RASSF2: variants seen among roughly 807,000 people sequenced by gnomAD.
The protein encoded by RASSF2 is ras association domain-containing protein 2.
A neutral mutation model predicts 46.3 loss-of-function variants in RASSF2; 34 were observed. That is an observed-to-expected ratio of 0.73 (90% CI 0.56 to 0.98). The LOEUF (loss-of-function observed/expected upper bound fraction) is 0.98, where lower values mean the gene tolerates loss of function less well. RASSF2 is among the 50% of genes least tolerant of loss of function. The pLI, the probability that RASSF2 is intolerant of heterozygous loss-of-function variation, is 0.00. For missense variants in RASSF2, 364 were observed against 431.2 expected, an observed-to-expected ratio of 0.84 and a Z score of 1.38; for synonymous variants, 158 against 162.5, an observed-to-expected ratio of 0.97 and a Z score of 0.21.
rs1042320583 is a variant in RASSF2, at chr20:4,798,848, A to C, written c.60-763T>G. Among the ~76,000 whole-genome samples, 18 of 134,172 alleles carry C rather than the reference A, an allele frequency of 1.3e-4. 1 individual carries two copies. Among genetic ancestry groups the C allele is most frequent in the East Asian group, 2.4e-4 (1 of 4,194 alleles). 88.0% of individuals were successfully genotyped at this position (134,172 alleles called of 152,430 possible). A position where few individuals can be genotyped will look rare whatever the true frequency, so the allele number is the denominator to read the frequency against. On this transcript the variant is annotated intron_variant, in intron 3 of 11. Transcript: ENST00000379400. The stretch of plus-strand genomic sequence containing the variant: ...CTCAAAAAAACAAACAAACAAACAA[A>C]AAAAAAAAAACTTGCAAACTCCCAT...
intron 3 of RASSF2, 109 bp from the exon 4 acceptor site, chr20:4,798,194 G>A (rs1289896915): frequency 6.7e-7 from 1 of 1,498,660 alleles, no homozygotes; most frequent in East Asian, 2.5e-5. Context: ...ACCCCACTTT[G>A]GGTAACTGTC....
rs112129378 is a variant in RASSF2 at position 4,785,657 on chromosome 20, A to C, written c.911+574T>G. Among the ~76,000 whole-genome samples, 485 of 152,282 alleles carry C rather than the reference A, an allele frequency of 3.2e-3. 1 individual carries two copies. Among genetic ancestry groups the C allele is most frequent in the African/African-American group, 0.011 (462 of 41,550 alleles). On this transcript the variant is annotated intron_variant, in intron 11 of 11. Transcript: ENST00000379400. ...TTTGGAGGCCAGTAGCTCAGGCTAC[A>C]TCCACGGCTAAGACAGCCTTCCTGA...
Position 4,783,815 on chromosome 20 carries a change from C to T in RASSF2, c.*458G>A, listed in dbSNP as rs150894957. ...TCTTCCCTCTCTAAACACAGACAGACGTGTGGCTGCTCCCTGGCACTTGAG... is the reference window on the plus strand; with the variant it reads ...TCTTCCCTCTCTAAACACAGACAGATGTGTGGCTGCTCCCTGGCACTTGAG... On this transcript the variant is annotated 3_prime_UTR_variant, in exon 12 of 12. Transcript: ENST00000379400. 11 of 159,588 alleles carry T rather than the reference C, an allele frequency of 6.9e-5. 1 individual carries two copies. The South Asian group carries it at 7.2e-4, about 10-fold the overall frequency. 9.9% of individuals were successfully genotyped at this position (159,588 alleles called of 1,614,324 possible).
intron 6 of RASSF2, among the ~76,000 whole-genome samples, chr20:4,791,972 C>T (rs997788612): frequency 1.3e-5 from 2 of 152,158 alleles, no homozygotes; most frequent in Admixed American, 6.5e-5. Context: ...TACATCCAAC[C>T]AGGCGCGGTG....
chr20:4,817,576 G>T (rs1238870060), intron 2 of RASSF2, among the ~76,000 whole-genome samples: 2 of 152,078 alleles, frequency 1.3e-5, no homozygotes, highest in Non-Finnish European at 2.9e-5. Flanking sequence ...CTATAACTTT[G>T]CATAGTGATT....
chr20:4,804,591 G>A (rs767997326), intron 2 of RASSF2, among the ~76,000 whole-genome samples: 2 of 152,058 alleles, frequency 1.3e-5, no homozygotes, highest in African/African-American at 2.4e-5. Context: ...TGCCCGCCTC[G>A]GCCTCCCAGA....
intron 2 of RASSF2, among the ~76,000 whole-genome samples, chr20:4,806,861 C>A (rs1374480918): frequency 1.3e-5 from 2 of 152,198 alleles, no homozygotes; most frequent in Non-Finnish European, 1.5e-5. Flanking sequence ...TTCTAACTCA[C>A]CAATTGAATT....
intron 8 of RASSF2, among the ~76,000 whole-genome samples, chr20:4,789,148 ACG>A (rs1568564293): frequency 6.6e-6 from 1 of 151,754 alleles, no homozygotes; most frequent in African/African-American, 2.4e-5. Context: ...TATAATTTGC[ACG>A]TCTATTTAAG....
At chr20:4,785,702 T>C (rs1341589721) in intron 11 of RASSF2, among the ~76,000 whole-genome samples, 1 of 152,042 alleles carries the variant, frequency 6.6e-6, no homozygotes, top group African/African-American at 2.4e-5. Context: ...AACCTCCGGG[T>C]CTTGGTTAGC....
chr20:4,797,591 C>G (rs1392743493), intron 4 of RASSF2, among the ~76,000 whole-genome samples: 3 of 151,806 alleles, frequency 2.0e-5, no homozygotes, highest in Middle Eastern at 3.2e-3. Flanking sequence ...CTGCTAACAT[C>G]CAGAGCTTAT....
Position 4,795,748 on chromosome 20 carries a change from C to G in RASSF2, c.287+67G>C, listed in dbSNP as rs2122512352. The G allele has an allele frequency of 6.6e-7, 1 of 1,521,982 alleles. No individual in the cohort carries two copies. Among genetic ancestry groups the G allele is most frequent in the East Asian group, 2.5e-5 (1 of 39,626 alleles). The allele number at this position is 1,521,982 out of a possible 1,614,324, so 94.3% of individuals were successfully genotyped here. On this transcript the variant is annotated intron_variant, in intron 5 of 11. Transcript: ENST00000379400. The surrounding 1 kb of genome is among the most constrained non-coding windows in gnomAD (Gnocchi z 4.0). Reference sequence around the variant, plus strand: ...CTGGCTGGAAGAAGGCAGCATTTATCTGCTTGAGAACACATAGAACACCCA... The same window carrying G: ...CTGGCTGGAAGAAGGCAGCATTTATGTGCTTGAGAACACATAGAACACCCA...
At chr20:4,806,825 T>C (rs1017315848) in intron 2 of RASSF2, among the ~76,000 whole-genome samples, 2 of 152,168 alleles carry the variant, frequency 1.3e-5, no homozygotes, top group African/African-American at 2.4e-5. Context: ...CATTTCCTTA[T>C]TTTTCTCAGA....
chr20:4,808,408 C>T (rs986828594), intron 2 of RASSF2, among the ~76,000 whole-genome samples: 1 of 151,974 alleles, frequency 6.6e-6, no homozygotes, highest in Non-Finnish European at 1.5e-5. Context: ...AACTAAAACA[C>T]CTCATAGTCT....
chr20:4,792,709 C>T (rs527526814), intron 5 of RASSF2, 82 bp from the exon 6 acceptor site: 1 of 1,521,318 alleles, frequency 6.6e-7, no homozygotes, highest in Non-Finnish European at 8.8e-7. Context: ...CTGGACCCCA[C>T]TCCTGAAAGG....
intron 2 of RASSF2, among the ~76,000 whole-genome samples, chr20:4,806,309 G>A (rs775610833): frequency 3.0e-4 from 46 of 152,220 alleles, no homozygotes; most frequent in Non-Finnish European, 5.3e-4. Flanking sequence ...AGCTGATCGC[G>A]CAGCCTGGTT....
At position 4,790,685 on chromosome 20, in the gene RASSF2, A is replaced by G; in HGVS notation, c.377-74T>C. ...GGCACATGGTCCCCAATTTGTGGCC[A>G]GTGCGACAGCACCCACTGTCTCCAC... On this transcript the variant is annotated intron_variant, in intron 6 of 11. Transcript: ENST00000379400. The surrounding 1 kb of genome is among the most constrained non-coding windows in gnomAD (Gnocchi z 4.3). 4 of 1,252,538 alleles carry G rather than the reference A, an allele frequency of 3.2e-6. No homozygotes were observed. The South Asian group carries it at 6.4e-5, about 20-fold the overall frequency. 77.6% of individuals were successfully genotyped at this position (1,252,538 alleles called of 1,614,324 possible). A position where few individuals can be genotyped will look rare whatever the true frequency, so the allele number is the denominator to read the frequency against.
In RASSF2 at chr20:4,784,347, A is replaced by C. The variant is rs773976136; in HGVS notation, c.912-5T>G. 9.3e-6 allele frequency: 15 copies of C among 1,613,456 alleles called. No homozygotes were observed. The highest frequency in any genetic ancestry group is 1.2e-5 in the Non-Finnish European group (14 of 1,179,522). Reference sequence around the variant, plus strand: ...ATTAGCCGGAGCACGGTGTACCTGGAGACAAGAAACAGGCTCAGATGGAGA... The same window carrying C: ...ATTAGCCGGAGCACGGTGTACCTGGCGACAAGAAACAGGCTCAGATGGAGA... On this transcript the variant is annotated splice_polypyrimidine_tract_variant and splice_region_variant and intron_variant, in intron 11 of 11. Transcript: ENST00000379400.
At position 4,820,415 on chromosome 20, in the gene RASSF2, G is replaced by A. The variant is rs146158519; in HGVS notation, c.-33+1914C>T. Among the ~76,000 whole-genome samples the A allele has an allele frequency of 2.4e-3, 365 of 152,260 alleles. 4 individuals are homozygous for A. Among genetic ancestry groups the A allele is most frequent in the East Asian group, 0.014 (71 of 5,180 alleles). ...GGTCTCAGCTCCTCAAGAGGCTGAGGTGGGAGGATCGCTTGGGCCCAGGAG... is the reference window on the plus strand; with the variant it reads ...GGTCTCAGCTCCTCAAGAGGCTGAGATGGGAGGATCGCTTGGGCCCAGGAG... On this transcript the variant is annotated intron_variant, in intron 2 of 11. Coordinates refer to ENST00000379400, the MANE Select transcript of RASSF2 (RefSeq NM_014737.3).
chr20:4,821,053 C>G (rs1347270800), intron 2 of RASSF2, among the ~76,000 whole-genome samples: 2 of 152,176 alleles, frequency 1.3e-5, no homozygotes. Context: ...CCAGCTGACT[C>G]GCTCAGCCAT....
Sources: gnomAD v4.1 joint callset for allele counts (sites outside exome capture counted in the v4.1 genomes callset) on GRCh38, gnomAD v4.1.1 for gene constraint, Gnocchi (gnomAD v3.1) non-coding constraint, MANE v1.5 for transcripts, NCBI Gene and HGNC (gene_info 2026-07-23, HGNC 2026-07-21) for gene names.